Variants in SYTL5 observed in about 807,000 individuals in gnomAD.
SYTL5 encodes synaptotagmin-like protein 5.
A neutral mutation model predicts 55.9 loss-of-function variants in SYTL5; 34 were observed. The ratio of observed to expected loss-of-function variants is 0.61; its 90% CI spans 0.46 to 0.81. The LOEUF (loss-of-function observed/expected upper bound fraction) is 0.81, where lower values mean the gene tolerates loss of function less well. Ranked by LOEUF, SYTL5 falls within the 30% of genes least tolerant of loss-of-function variation. The pLI, the probability that SYTL5 is intolerant of heterozygous loss-of-function variation, is 0.00. For synonymous variants in SYTL5, 221 were observed against 188.7 expected, an observed-to-expected ratio of 1.17 and a Z score of -1.40; for missense variants, 637 against 546.7, an observed-to-expected ratio of 1.17 and a Z score of -1.65.
chrX:38,077,064 G>A (rs1569178767), intron 6 of SYTL5, among the ~76,000 whole-genome samples: 2 of 111,575 alleles, frequency 1.8e-5, no homozygotes, highest in Admixed American at 9.5e-5. Context: ...ATTCCTTGCA[G>A]CTTTTAAAAA....
At position 38,059,695 on chromosome X, in the gene SYTL5, TTTTG is replaced by T. The variant is rs34023431; in HGVS notation, c.329+5290_329+5293del. On this transcript the variant is annotated intron_variant, in intron 3 of 16. Transcript: ENST00000297875. ...GGATGAGTTTAAAAGTTTTGGGGTT[TTTTG>T]TTTGTTTGTTTGTTTGCTTGTTTTT... Among the ~76,000 whole-genome samples, 887 of 110,941 alleles carry T rather than the reference TTTTG, an allele frequency of 8.0e-3. 4 individuals carry two copies. Among genetic ancestry groups the T allele is most frequent in the Non-Finnish European group, 0.014 (748 of 52,628 alleles).
the SYTL5 span, among the ~76,000 whole-genome samples, chrX:37,997,484 C>A: frequency 1.3e-4 from 15 of 112,245 alleles, no homozygotes; most frequent in Admixed American, 3.7e-4. Context: ...TGTCAGTGCC[C>A]ACTCCAATCT....
At chrX:37,922,125 A>G in the SYTL5 span, among the ~76,000 whole-genome samples, 1 of 112,061 alleles carries the variant, frequency 8.9e-6, no homozygotes, top group Non-Finnish European at 1.9e-5. Flanking sequence ...CTTCATCACC[A>G]TCTCAAACAT....
At chrX:38,092,597 T>G (rs1197707598) in intron 7 of SYTL5, among the ~76,000 whole-genome samples, 1 of 111,275 alleles carries the variant, frequency 9.0e-6, no homozygotes, top group Non-Finnish European at 1.9e-5. Flanking sequence ...TTTCGTGTGC[T>G]TTGTTCTAGC....
chrX:37,946,139 A>G, the SYTL5 span: 1 of 116,475 alleles, frequency 8.6e-6, no homozygotes, highest in South Asian at 3.5e-4. Flanking sequence ...ATTGAAAAAT[A>G]TAAACCAGAG....
chrX:38,090,795 C>T lies in SYTL5; in HGVS notation c.831+1208C>T, dbSNP rs147988171. Among the ~76,000 whole-genome samples, 955 of 112,578 alleles carry T rather than the reference C, an allele frequency of 8.5e-3. 5 individuals carry two copies. The highest frequency in any genetic ancestry group is 0.041 in the Middle Eastern group (9 of 217). On this transcript the variant is annotated intron_variant, in intron 7 of 16. Coordinates refer to ENST00000297875, the MANE Select transcript of SYTL5 (RefSeq NM_138780.3). ...GCTGCTCTACTTCCTTGTAGCTGGC[C>T]TCCATCTTGATTGGTCAGTGCCCTT...
chrX:37,979,461 T>C, the SYTL5 span, among the ~76,000 whole-genome samples: 1 of 103,641 alleles, frequency 9.6e-6, no homozygotes. Context: ...ATTTTTTTCC[T>C]TTTGGATAGT....
At chrX:37,944,259 T>C in the SYTL5 span, among the ~76,000 whole-genome samples, 3,856 of 111,235 alleles carry the variant, frequency 0.035, 171 homozygotes, top group African/African-American at 0.12. Context: ...AGGTCTGGTC[T>C]GTTTTGGAAA....
intron 5 of SYTL5, among the ~76,000 whole-genome samples, chrX:38,075,524 G>C (rs777629760): frequency 9.0e-6 from 1 of 111,612 alleles, no homozygotes; most frequent in South Asian, 3.8e-4. Flanking sequence ...GATAAATGGG[G>C]TTCAGGATCA....
At chrX:38,088,262 T>TA (rs937215333) in intron 6 of SYTL5, among the ~76,000 whole-genome samples, 1 of 112,038 alleles carries the variant, frequency 8.9e-6, no homozygotes, top group African/African-American at 3.2e-5. Flanking sequence ...AACATTCTTT[T>TA]AAAAAATATT....
chrX:38,010,532 T>C (rs905985030), intron 1 of SYTL5, among the ~76,000 whole-genome samples: 6 of 112,397 alleles, frequency 5.3e-5, no homozygotes, highest in Non-Finnish European at 1.1e-4. Context: ...TTTCTTTTTG[T>C]TAAAGAAGAA....
chrX:38,082,453 C>T (rs1413863788), intron 6 of SYTL5, among the ~76,000 whole-genome samples: 1 of 111,945 alleles, frequency 8.9e-6, no homozygotes, highest in Non-Finnish European at 1.9e-5. Context: ...TCTATTCATA[C>T]AAATGAATTC....
At chrX:37,935,686 T>G in the SYTL5 span, among the ~76,000 whole-genome samples, 1 of 112,154 alleles carries the variant, frequency 8.9e-6, no homozygotes, top group South Asian at 3.7e-4. Context: ...CCAGTTTGTT[T>G]TAAGTTAAGA....
At chrX:37,989,867 C>T in the SYTL5 span, among the ~76,000 whole-genome samples, 1 of 109,762 alleles carries the variant, frequency 9.1e-6, no homozygotes, top group African/African-American at 3.3e-5. Context: ...ACTTATTGAA[C>T]ATCTTATTAT....
chrX:38,068,444 G>A (rs1021039233), intron 3 of SYTL5, among the ~76,000 whole-genome samples: 7 of 111,727 alleles, frequency 6.3e-5, no homozygotes, highest in Non-Finnish European at 1.3e-4. Context: ...ACCCAAAGGA[G>A]AAAAAAGTCA....
At chrX:37,915,360 C>A in the SYTL5 span, among the ~76,000 whole-genome samples, 1 of 111,810 alleles carries the variant, frequency 8.9e-6, no homozygotes, top group South Asian at 3.8e-4. Context: ...GCCCTGGAAC[C>A]TTTGATGAAG....
At chrX:38,075,238 G>A (rs1305249700) in intron 5 of SYTL5, among the ~76,000 whole-genome samples, 1 of 111,442 alleles carries the variant, frequency 9.0e-6, no homozygotes, top group African/African-American at 3.3e-5. Flanking sequence ...CTTAGATTCT[G>A]ATTGTTCTCA....
intron 6 of SYTL5, among the ~76,000 whole-genome samples, chrX:38,085,143 A>T (rs1936636817): frequency 9.0e-6 from 1 of 111,291 alleles, no homozygotes; most frequent in South Asian, 3.8e-4. Flanking sequence ...GAATTAAAAA[A>T]AAAAATAGTG....
At chrX:38,001,860 T>A (rs1234880939), upstream of SYTL5, among the ~76,000 whole-genome samples, 5 of 111,495 alleles carry the variant, frequency 4.5e-5, no homozygotes, top group East Asian at 2.8e-4. Context: ...TGAGTTTTTT[T>A]AAATATATAT....
Sources: gnomAD v4.1 joint callset for allele counts (sites outside exome capture counted in the v4.1 genomes callset) on GRCh38, gnomAD v4.1.1 for gene constraint, MANE v1.5 for transcripts, NCBI Gene and HGNC (gene_info 2026-07-23, HGNC 2026-07-21) for gene names.